The following MINDY2 variants were observed in gnomAD, a reference collection of about 807,000 sequenced individuals.
MINDY2 encodes MINDY lysine 48 deubiquitinase 2, also known as ubiquitin carboxyl-terminal hydrolase MINDY-2.
Under a neutral mutation model 68.2 loss-of-function variants are expected in MINDY2, and 52 were observed. That is an observed-to-expected ratio of 0.76 (90% CI 0.61 to 0.96). The LOEUF (loss-of-function observed/expected upper bound fraction) is 0.96, where lower values mean the gene tolerates loss of function less well. Among genes scored for constraint, MINDY2 ranks in the 40% least tolerant of loss-of-function variants. MINDY2 has a pLI of 0.00. For synonymous variants in MINDY2, 372 were observed against 303.0 expected (o/e 1.23, Z -2.36); for missense variants, 881 against 773.4 (o/e 1.14, Z -1.65).
At chr15:58,783,775 C>T (rs559814638) in intron 1 of MINDY2, among the ~76,000 whole-genome samples, 11 of 152,158 alleles carry the variant, frequency 7.2e-5, no homozygotes, top group Admixed American at 5.9e-4. Flanking sequence ...AAAACCCCAT[C>T]TGTACAAAAA....
chr15:58,805,863 C>G (rs1902971670), intron 3 of MINDY2, among the ~76,000 whole-genome samples: 1 of 152,110 alleles, frequency 6.6e-6, no homozygotes, highest in Non-Finnish European at 1.5e-5. Context: ...ATCACAAGGT[C>G]TGGAGATCGA....
chr15:58,854,390 C>A, intron 8 of MINDY2, 92 bp from the exon 9 acceptor site: 3 of 1,403,932 alleles, frequency 2.1e-6, no homozygotes, highest in Non-Finnish European at 2.9e-6. Context: ...ATCAGTGATT[C>A]CTTCCACTGT....
At chr15:58,792,518 A>G (rs896217995) in intron 2 of MINDY2, among the ~76,000 whole-genome samples, 1 of 152,210 alleles carries the variant, frequency 6.6e-6, no homozygotes, top group African/African-American at 2.4e-5. Context: ...AGGCAGAAGA[A>G]TCGCTTGAAC....
chr15:58,784,864 G>A (rs1901381321), intron 1 of MINDY2, among the ~76,000 whole-genome samples: 1 of 151,308 alleles, frequency 6.6e-6, no homozygotes, highest in Non-Finnish European at 1.5e-5. Flanking sequence ...CAAACTCCTG[G>A]GCTCAAGTGA....
intron 7 of MINDY2, among the ~76,000 whole-genome samples, chr15:58,851,530 C>T (rs534865749): frequency 1.3e-5 from 2 of 151,960 alleles, no homozygotes; most frequent in Non-Finnish European, 2.9e-5. Flanking sequence ...CCTCAAACTC[C>T]TGGGCTGAAG....
At chr15:58,838,459 T>C (rs1567070796) in intron 6 of MINDY2, among the ~76,000 whole-genome samples, 2 of 152,052 alleles carry the variant, frequency 1.3e-5, no homozygotes, top group Non-Finnish European at 1.5e-5. Flanking sequence ...AGAATACTTT[T>C]CCACTTCAGT....
At chr15:58,782,432 A>T (rs1214710446) in intron 1 of MINDY2, among the ~76,000 whole-genome samples, 1 of 152,204 alleles carries the variant, frequency 6.6e-6, no homozygotes, top group Non-Finnish European at 1.5e-5. Context: ...TGAATGTCAA[A>T]CTAAAAATGT....
chr15:58,847,443 C>T lies in MINDY2; in HGVS notation c.1515C>T (p.Tyr505=), dbSNP rs1443409397. The T allele has an allele frequency of 2.5e-6, 4 of 1,583,568 alleles. No individual in the cohort carries two copies. The highest frequency in any genetic ancestry group is 2.3e-5 in the South Asian group (2 of 87,296). ...CTCCTTCAGATCCTGAAACTGTATACAAAGGACAACAAGATCAGATAGATC... is the reference window on the plus strand; with the variant it reads ...CTCCTTCAGATCCTGAAACTGTATATAAAGGACAACAAGATCAGATAGATC... ...LRPPSDPETV[Y]KGQQDQIDQD... Residue 505 remains tyrosine, a synonymous_variant, in exon 7 of 9, where the codon TAC becomes TAT. Transcript: ENST00000559228.
chr15:58,806,307 C>G (rs1903004830), intron 3 of MINDY2, among the ~76,000 whole-genome samples: 1 of 151,056 alleles, frequency 6.6e-6, no homozygotes, highest in South Asian at 2.1e-4. Context: ...CTCCTGGCCT[C>G]AAGTGATCCA....
chr15:58,796,087 G>C, intron 2 of MINDY2: 1 of 455,910 alleles, frequency 2.2e-6, no homozygotes, highest in South Asian at 1.6e-5. Context: ...GAGTTGAAGA[G>C]TATCTGGGAG....
At chr15:58,852,037 A>G in intron 8 of MINDY2, 72 bp downstream of exon 8, 1 of 1,243,956 alleles carries the variant, frequency 8.0e-7, no homozygotes, top group Non-Finnish European at 1.1e-6. Flanking sequence ...CTGTATTCCC[A>G]GCCCTTTGGG....
intron 8 of MINDY2, among the ~76,000 whole-genome samples, chr15:58,853,939 G>A (rs1283084903): frequency 6.6e-6 from 1 of 151,220 alleles, no homozygotes; most frequent in African/African-American, 2.4e-5. Context: ...TTTAACAAAT[G>A]TGTCTTCAAT....
intron 6 of MINDY2, among the ~76,000 whole-genome samples, chr15:58,843,875 A>G (rs1438790975): frequency 4.6e-5 from 7 of 151,364 alleles, no homozygotes; most frequent in African/African-American, 1.5e-4. Flanking sequence ...TATCATCACA[A>G]TTTGTAAATT....
intron 2 of MINDY2, among the ~76,000 whole-genome samples, chr15:58,793,881 T>C (rs1256880486): frequency 1.3e-5 from 2 of 151,832 alleles, no homozygotes; most frequent in East Asian, 1.9e-4. Context: ...AAATGGGAGA[T>C]TGAATGGATT....
chr15:58,781,256 TG>T (rs1424580036), intron 1 of MINDY2, among the ~76,000 whole-genome samples: 1 of 152,092 alleles, frequency 6.6e-6, no homozygotes, highest in African/African-American at 2.4e-5. Context: ...TTTACCATGT[TG>T]GCCAGGCTGG....
intron 2 of MINDY2, among the ~76,000 whole-genome samples, chr15:58,791,626 G>A (rs1273488517): frequency 6.6e-5 from 9 of 136,486 alleles, no homozygotes; most frequent in African/African-American, 3.1e-4. Flanking sequence ...CAAAATATGT[G>A]TGTGTGTGTG....
intron 2 of MINDY2, among the ~76,000 whole-genome samples, chr15:58,794,355 TGGGG>T (rs1210420145): frequency 5.0e-5 from 5 of 100,692 alleles, no homozygotes; most frequent in African/African-American, 2.2e-4. Context: ...AAGTTTTTTT[TGGGG>T]TGTGTGTGTG....
intron 5 of MINDY2, among the ~76,000 whole-genome samples, chr15:58,830,711 A>G (rs1215769469): frequency 1.3e-5 from 2 of 152,218 alleles, no homozygotes; most frequent in African/African-American, 2.4e-5. Flanking sequence ...TGTTTGAAAC[A>G]GCAAAATCAC....
intron 8 of MINDY2, 57 bp downstream of exon 8, chr15:58,852,022 C>T (rs2032841133): frequency 7.4e-7 from 1 of 1,345,780 alleles, no homozygotes; most frequent in South Asian, 1.4e-5. Context: ...TGTAGTGGCT[C>T]ACACCTGTAT....
Sources: gnomAD v4.1 joint callset for allele counts (sites outside exome capture counted in the v4.1 genomes callset) on GRCh38, gnomAD v4.1.1 for gene constraint, MANE v1.5 for transcripts, NCBI Gene and HGNC (gene_info 2026-07-23, HGNC 2026-07-21) for gene names.